Variants in MAF observed in about 807,000 individuals in gnomAD.
MAF encodes the protein transcription factor Maf.
Under a neutral mutation model 22.0 loss-of-function variants are expected in MAF, and 10 were observed. The ratio of observed to expected loss-of-function variants is 0.45; its 90% CI spans 0.28 to 0.77. The LOEUF (loss-of-function observed/expected upper bound fraction) is 0.77, where lower values mean the gene tolerates loss of function less well. MAF is among the 30% of genes least tolerant of loss of function. MAF has a pLI of 0.12. For missense variants in MAF, 544 were observed against 548.4 expected (o/e 0.99, Z 0.08); for synonymous variants, 337 against 255.8 (o/e 1.32, Z -3.03).
At chr16:79,371,378 G>C in the MAF span, among the ~76,000 whole-genome samples, 1 of 152,174 alleles carries the variant, frequency 6.6e-6, no homozygotes, top group South Asian at 2.1e-4. Flanking sequence ...AGATTCAAGA[G>C]CAGGGGACAC....
At chr16:79,338,382 G>A in the MAF span, among the ~76,000 whole-genome samples, 1 of 152,168 alleles carries the variant, frequency 6.6e-6, no homozygotes, top group Non-Finnish European at 1.5e-5. Flanking sequence ...CTGTAAGGGA[G>A]TGACAGTATC....
At chr16:79,455,848 T>C in the MAF span, among the ~76,000 whole-genome samples, 79 of 152,140 alleles carry the variant, frequency 5.2e-4, 1 homozygote, top group East Asian at 0.012. Context: ...TGAAACTCTG[T>C]CTCTGACAAA....
the MAF span, among the ~76,000 whole-genome samples, chr16:79,249,424 A>T: frequency 1.3e-5 from 2 of 151,386 alleles, no homozygotes; most frequent in East Asian, 1.9e-4. Context: ...GTTTCAAAAA[A>T]AAAAAAAAAA....
chr16:79,417,995 G>A, the MAF span, among the ~76,000 whole-genome samples: 3 of 152,122 alleles, frequency 2.0e-5, no homozygotes, highest in African/African-American at 4.8e-5. Context: ...CCTCCTGCGC[G>A]GGTCTGGCCT....
chr16:79,476,368 T>A, the MAF span, among the ~76,000 whole-genome samples: 1 of 152,188 alleles, frequency 6.6e-6, no homozygotes, highest in African/African-American at 2.4e-5. Context: ...AGCTGCTGAA[T>A]TGATGGTGAT....
chr16:79,419,194 A>G, the MAF span, among the ~76,000 whole-genome samples: 9 of 152,250 alleles, frequency 5.9e-5, no homozygotes, highest in South Asian at 1.9e-3. Context: ...TCAGAAGTTT[A>G]ATATCAGCAT....
the MAF span, among the ~76,000 whole-genome samples, chr16:79,550,230 G>A: frequency 6.6e-6 from 1 of 152,054 alleles, no homozygotes; most frequent in Admixed American, 6.6e-5. Context: ...ATATTAGAAT[G>A]AAAGAAATGG....
the MAF span, among the ~76,000 whole-genome samples, chr16:79,313,181 G>C: frequency 2.0e-5 from 3 of 152,130 alleles, no homozygotes; most frequent in Admixed American, 6.5e-5. Context: ...CCAGTGCCTG[G>C]CACACAGGCA....
At chr16:79,547,637 A>G in the MAF span, among the ~76,000 whole-genome samples, 1 of 152,220 alleles carries the variant, frequency 6.6e-6, no homozygotes. Context: ...TCTGGAATTG[A>G]TGTAACCCAA....
At chr16:79,319,480 C>A in the MAF span, among the ~76,000 whole-genome samples, 10,101 of 152,218 alleles carry the variant, frequency 0.066, 1,088 homozygotes, top group East Asian at 0.4. Flanking sequence ...CTTCAGTCCC[C>A]TTCCCCAAGC....
the MAF span, among the ~76,000 whole-genome samples, chr16:79,375,559 CAAT>C: frequency 6.6e-6 from 1 of 151,676 alleles, no homozygotes; most frequent in Non-Finnish European, 1.5e-5. Flanking sequence ...ATGACTGTGA[CAAT>C]GATGATGAAG....
At chr16:79,542,586 C>G in the MAF span, among the ~76,000 whole-genome samples, 1 of 152,192 alleles carries the variant, frequency 6.6e-6, no homozygotes, top group Non-Finnish European at 1.5e-5. Context: ...CCCCTCCAAT[C>G]AGAGGTCTCC....
At chr16:79,212,101 A>G in the MAF span, 2 of 1,536,024 alleles carry the variant, frequency 1.3e-6, no homozygotes, top group South Asian at 1.2e-5. Flanking sequence ...AGCACCAGCA[A>G]TTCTCTTTCT....
chr16:79,412,730 G>A, the MAF span, among the ~76,000 whole-genome samples: 1 of 152,182 alleles, frequency 6.6e-6, no homozygotes, highest in African/African-American at 2.4e-5. Context: ...ATCAATGGAA[G>A]TAACATGTAT....
At chr16:79,564,070 G>A in the MAF span, among the ~76,000 whole-genome samples, 1 of 152,222 alleles carries the variant, frequency 6.6e-6, no homozygotes, top group Admixed American at 6.5e-5. Context: ...AAGTGGAGCA[G>A]ACCCTGCTTT....
chr16:79,597,396 G>A, intron 1 of MAF: 1 of 1,032,422 alleles, frequency 9.7e-7, no homozygotes. Flanking sequence ...AAAAATAATG[G>A]GGCAGTTTCT....
the MAF span, among the ~76,000 whole-genome samples, chr16:79,428,078 T>G: frequency 2.5e-5 from 3 of 119,518 alleles, no homozygotes; most frequent in African/African-American, 1.0e-4. Context: ...GGCGACAGAG[T>G]GAGACACCGA....
chr16:79,375,534 A>G, the MAF span, among the ~76,000 whole-genome samples: 3 of 152,110 alleles, frequency 2.0e-5, no homozygotes, highest in Non-Finnish European at 4.4e-5. Context: ...GATGATGGTA[A>G]TGATGAAGAT....
At chr16:79,447,890 T>TC in the MAF span, among the ~76,000 whole-genome samples, 1 of 2,318 alleles carries the variant, frequency 4.3e-4, no homozygotes, top group African/African-American at 2.5e-3. Context: ...AGATTCCATC[T>TC]CAAAAAAAAA....
Sources: allele counts gnomAD v4.1 joint callset (sites outside exome capture counted in the v4.1 genomes callset), GRCh38; gene constraint gnomAD v4.1.1; transcripts MANE v1.5; gene names NCBI Gene and HGNC (gene_info 2026-07-23, HGNC 2026-07-21).